Variants in KCNMA1 observed in about 807,000 individuals in gnomAD.
KCNMA1 encodes the protein potassium calcium-activated channel subfamily M alpha 1, also known as Calcium-activated potassium channel subunit alpha-1.
KCNMA1 carries 29 observed loss-of-function variants against 140.0 expected under a neutral mutation model. The ratio of observed to expected loss-of-function variants is 0.21; its 90% CI spans 0.15 to 0.28. The LOEUF (loss-of-function observed/expected upper bound fraction) is 0.28. Ranked by LOEUF, KCNMA1 falls within the 10% of genes least tolerant of loss-of-function variation. The pLI is 1.00. For synonymous variants in KCNMA1, 612 were observed against 611.9 expected, an observed-to-expected ratio of 1.00 and a Z score of 0.00; for missense variants, 880 against 1,602.2, an observed-to-expected ratio of 0.55 and a Z score of 7.70.
intron 6 of KCNMA1, among the ~76,000 whole-genome samples, chr10:77,119,908 A>C (rs1419350065): frequency 6.6e-6 from 1 of 152,012 alleles, no homozygotes; most frequent in Admixed American, 6.6e-5. Flanking sequence ...AAAATAAAAT[A>C]AACAAGCAAA....
chr10:76,904,288 G>A (rs1235803470), intron 25 of KCNMA1: 1 of 152,196 alleles, frequency 6.6e-6, no homozygotes, highest in Admixed American at 6.5e-5. Context: ...CTGAAAATAT[G>A]AATGCACTGG....
chr10:77,090,616 A>G (rs979484922), intron 9 of KCNMA1, 106 bp from the exon 10 acceptor site: 8 of 772,316 alleles, frequency 1.0e-5, no homozygotes, highest in Admixed American at 5.5e-5. Flanking sequence ...GGAAGCATTC[A>G]TCTCCTCCCT....
chr10:77,182,481 T>C (rs1041281184), intron 5 of KCNMA1, among the ~76,000 whole-genome samples: 3 of 152,290 alleles, frequency 2.0e-5, no homozygotes, highest in East Asian at 1.9e-4. Context: ...TGTGTGCACA[T>C]GTGAAGGCCT....
At position 77,421,391 on chromosome 10, in the gene KCNMA1, G is replaced by A. The variant is rs531396735; in HGVS notation, c.379-17368C>T. 8.5e-5 allele frequency among the ~76,000 whole-genome samples: 13 copies of A among 152,264 alleles called. No homozygotes were observed. The South Asian group carries it at 2.5e-3, about 29-fold the overall frequency. On this transcript the variant is annotated intron_variant, in intron 1 of 27. Coordinates refer to ENST00000286628, the MANE Select transcript of KCNMA1 (RefSeq NM_001161352.2). ...TGCACTGCTCCTTCATAACACTCAA[G>A]GCATTTGCAAGTACTTGTTCAGGGC... is the stretch of plus-strand genomic sequence containing the variant.
At chr10:77,433,387 A>G (rs555268722) in intron 1 of KCNMA1, among the ~76,000 whole-genome samples, 48 of 152,266 alleles carry the variant, frequency 3.2e-4, no homozygotes, top group Non-Finnish European at 4.9e-4. Context: ...TTCTGGCCTC[A>G]AGTGATCTGC....
At chr10:77,338,061 T>C (rs1023789835) in intron 2 of KCNMA1, among the ~76,000 whole-genome samples, 37 of 152,312 alleles carry the variant, frequency 2.4e-4, no homozygotes, top group African/African-American at 8.9e-4. Context: ...CTCTCTTTAC[T>C]AATACAATCA....
chr10:77,134,724 C>T (rs1013796078), intron 5 of KCNMA1, among the ~76,000 whole-genome samples: 5 of 152,018 alleles, frequency 3.3e-5, no homozygotes, highest in Admixed American at 6.6e-5. Flanking sequence ...AGAGGCGGGG[C>T]GCAGTGGCTC....
rs111476494 is a variant in KCNMA1 at position 77,388,112 on chromosome 10, G to C, written c.540+15750C>G. Among the ~76,000 whole-genome samples the C allele has an allele frequency of 8.0e-3, 1,221 of 152,320 alleles. 12 individuals are homozygous for C. The highest frequency in any genetic ancestry group is 0.028 in the African/African-American group (1,159 of 41,566). On this transcript the variant is annotated intron_variant, in intron 2 of 27. Transcript: ENST00000286628. ...TTAAACACTAGAGCCAGATAAGATT[G>C]CATGTCATGTGTAATCTCATTATAG...
At chr10:77,308,022 G>C (rs113567725) in intron 2 of KCNMA1, among the ~76,000 whole-genome samples, 2,538 of 152,272 alleles carry the variant, frequency 0.017, 36 homozygotes, top group Middle Eastern at 0.031. Flanking sequence ...TTTCCAAAAA[G>C]ACTTTAAGCC....
intron 24 of KCNMA1, 139 bp from the exon 25 acceptor site, chr10:76,910,235 C>T: frequency 1.1e-6 from 1 of 932,376 alleles, no homozygotes; most frequent in Non-Finnish European, 1.7e-6. Flanking sequence ...GTAGATGGAT[C>T]TTTGGGTAAG....
intron 5 of KCNMA1, among the ~76,000 whole-genome samples, chr10:77,158,852 T>C (rs980614654): frequency 6.6e-6 from 1 of 152,122 alleles, no homozygotes. Context: ...TAGTTGTGGA[T>C]ATGGTAGCCT....
intron 1 of KCNMA1, among the ~76,000 whole-genome samples, chr10:77,405,705 C>A (rs60174617): frequency 0.02 from 3,097 of 152,344 alleles, 104 homozygotes; most frequent in African/African-American, 0.07. Context: ...TTATGTTCAT[C>A]ATTTAAAACT....
chr10:76,985,451 A>G (rs2081001168), intron 19 of KCNMA1, among the ~76,000 whole-genome samples: 1 of 152,220 alleles, frequency 6.6e-6, no homozygotes, highest in South Asian at 2.1e-4. Flanking sequence ...TGCAGAAAAT[A>G]TTTTTCCCTT....
chr10:77,529,094 TA>T (rs199497461), intron 1 of KCNMA1, among the ~76,000 whole-genome samples: 60 of 151,044 alleles, frequency 4.0e-4, no homozygotes, highest in Middle Eastern at 3.2e-3. Flanking sequence ...ACCATAATAA[TA>T]AAAAAAAAGA....
intron 2 of KCNMA1, among the ~76,000 whole-genome samples, chr10:77,390,151 A>C (rs2154441916): frequency 6.6e-6 from 1 of 152,252 alleles, no homozygotes; most frequent in African/African-American, 2.4e-5. Flanking sequence ...ACTACTGAAA[A>C]ACTACTGCGG....
intron 1 of KCNMA1, among the ~76,000 whole-genome samples, chr10:77,604,663 C>T (rs185932527): frequency 6.6e-6 from 1 of 152,096 alleles, no homozygotes; most frequent in Non-Finnish European, 1.5e-5. Context: ...CTCCAGCCTG[C>T]ACAACAGAGC....
chr10:77,577,687 T>C (rs2074636666), intron 1 of KCNMA1, among the ~76,000 whole-genome samples: 1 of 152,188 alleles, frequency 6.6e-6, no homozygotes, highest in Non-Finnish European at 1.5e-5. Flanking sequence ...ATTGTGCAGA[T>C]GGGAAAACTA....
chr10:77,431,937 G>A (rs2097163613), intron 1 of KCNMA1, among the ~76,000 whole-genome samples: 1 of 151,942 alleles, frequency 6.6e-6, no homozygotes, highest in South Asian at 2.1e-4. Context: ...AGGTTGCAGT[G>A]AGCCAAGATC....
At position 76,941,018 on chromosome 10, in the gene KCNMA1, G is replaced by GAAGGAAGGAAGGAAGGAAGGAAGAAAGA. The variant is rs1554960623; in HGVS notation, c.2902+3754_2902+3755insTCTTTCTTCCTTCCTTCCTTCCTTCCTT. Among the ~76,000 whole-genome samples the GAAGGAAGGAAGGAAGGAAGGAAGAAAGA allele has an allele frequency of 1.3e-4, 5 of 38,246 alleles. No homozygotes were observed. The East Asian group carries it at 3.4e-3, about 26-fold the overall frequency. The allele number at this position is 38,246 out of a possible 152,430, so 25.1% of individuals were successfully genotyped here. A position where few individuals can be genotyped will look rare whatever the true frequency, so the allele number is the denominator to read the frequency against. On this transcript the variant is annotated intron_variant, in intron 23 of 27. Transcript: ENST00000286628. The stretch of plus-strand genomic sequence containing the variant: ...GAAAGAAAGGAAGGAAGGAAGGAAG[G>GAAGGAAGGAAGGAAGGAAGGAAGAAAGA]AAGAAAGAAAGAAAGAAAGAAAGAA...
Sources: gnomAD v4.1 joint callset for allele counts (sites outside exome capture counted in the v4.1 genomes callset) on GRCh38, gnomAD v4.1.1 for gene constraint, MANE v1.5 for transcripts, NCBI Gene and HGNC (gene_info 2026-07-23, HGNC 2026-07-21) for gene names.